The following RFC3 variants were observed in gnomAD, a reference collection of about 807,000 sequenced individuals.
The protein encoded by RFC3 is replication factor C subunit 3, also known as A1 38 kDa subunit.
Under a neutral mutation model 45.1 loss-of-function variants are expected in RFC3, and 41 were observed. The ratio of observed to expected loss-of-function variants is 0.91; its 90% confidence interval spans 0.71 to 1.18. The LOEUF (loss-of-function observed/expected upper bound fraction) is 1.18. RFC3 is among the 50% of genes most tolerant of loss of function. RFC3 has a pLI of 0.00. For missense variants in RFC3, 423 were observed against 428.1 expected, an observed-to-expected ratio of 0.99 and a Z score of 0.10; for synonymous variants, 149 against 144.0, an observed-to-expected ratio of 1.03 and a Z score of -0.25.
Position 33,900,191 on chromosome 13 carries a change from A to G in RFC3, c.879+64974A>G, listed in dbSNP as rs553853236. On this transcript the variant is annotated intron_variant, in intron 8 of 8. Transcript: ENST00000434425. ...TACAAAAAGCAATTATAAAATGTAT[A>G]TGAAACCACAAAAGACTCTGAACAG... Among the ~76,000 whole-genome samples, 30 of 152,178 alleles carry G rather than the reference A, an allele frequency of 2.0e-4. No homozygotes were observed. In the South Asian group the frequency reaches 5.8e-3, roughly 29 times the overall value.
intron 8 of RFC3, among the ~76,000 whole-genome samples, chr13:33,863,856 T>G (rs2082356983): frequency 6.6e-6 from 1 of 152,212 alleles, no homozygotes; most frequent in African/African-American, 2.4e-5. Context: ...ACTCTCAGTC[T>G]CCCAAACATC....
chr13:33,865,530 A>C (rs1356162784), intron 8 of RFC3, among the ~76,000 whole-genome samples: 1 of 152,212 alleles, frequency 6.6e-6, no homozygotes, highest in African/African-American at 2.4e-5. Flanking sequence ...CAGGGAAATG[A>C]ATTCTGAGGA....
At chr13:33,950,043 C>T (rs914131669) in intron 8 of RFC3, among the ~76,000 whole-genome samples, 103 of 142,560 alleles carry the variant, frequency 7.2e-4, no homozygotes, top group Non-Finnish European at 6.8e-4. Context: ...CTTTCTCTCT[C>T]TCTTTCTCCC....
At chr13:33,969,693 A>G (rs971361977), downstream of RFC3, among the ~76,000 whole-genome samples, 4 of 152,126 alleles carry the variant, frequency 2.6e-5, no homozygotes, top group Admixed American at 6.6e-5. Context: ...TCTTAGTCCA[A>G]ATTCTATTTG....
chr13:33,894,261 C>T lies in RFC3; in HGVS notation c.879+59044C>T, dbSNP rs940786631. ...GGCAATCCAGGATATGGGGGAGGGC[C>T]ATAACCCTACCCAGTACTGGAGCTG... On this transcript the variant is annotated intron_variant, in intron 8 of 8. Transcript: ENST00000434425. Among the ~76,000 whole-genome samples, 4 of 152,130 alleles carry T rather than the reference C, an allele frequency of 2.6e-5. No homozygotes were observed. In the East Asian group the frequency reaches 5.8e-4, roughly 22 times the overall value.
At chr13:33,886,460 C>G (rs887910978) in intron 8 of RFC3, among the ~76,000 whole-genome samples, 2 of 151,092 alleles carry the variant, frequency 1.3e-5, no homozygotes, top group African/African-American at 4.9e-5. Context: ...GCAGGAGAAT[C>G]GCTTGAACCT....
chr13:33,899,056 G>C (rs1414813594), intron 8 of RFC3, among the ~76,000 whole-genome samples: 1 of 151,520 alleles, frequency 6.6e-6, no homozygotes, highest in African/African-American at 2.4e-5. Flanking sequence ...TGGCTTCACT[G>C]CTGGATTCTA....
exon 9 of RFC3, chr13:33,966,137 GAAC>G: frequency 6.2e-7 from 1 of 1,603,120 alleles, no homozygotes. Context: ...GACCTCCAAA[GAAC>G]AACTTGCTAC....
chr13:33,893,889 G>A (rs1017083494), intron 8 of RFC3, among the ~76,000 whole-genome samples: 5 of 151,956 alleles, frequency 3.3e-5, no homozygotes, highest in Non-Finnish European at 7.4e-5. Context: ...GACATCAAAT[G>A]ACCAAATCTA....
At chr13:33,899,368 G>C (rs1038874098) in intron 8 of RFC3, among the ~76,000 whole-genome samples, 1 of 151,732 alleles carries the variant, frequency 6.6e-6, no homozygotes. Flanking sequence ...GGAATGCAAG[G>C]ATGGTTCAAC....
At chr13:33,964,168 C>T (rs1047518995) in intron 8 of RFC3, among the ~76,000 whole-genome samples, 29 of 152,156 alleles carry the variant, frequency 1.9e-4, no homozygotes, top group African/African-American at 7.0e-4. Context: ...GATCATGAAA[C>T]ATGAACTAGT....
intron 8 of RFC3, among the ~76,000 whole-genome samples, chr13:33,876,756 C>G (rs1197172072): frequency 6.6e-6 from 1 of 152,146 alleles, no homozygotes; most frequent in African/African-American, 2.4e-5. Context: ...CTTGGGTTTG[C>G]CTTAAATAAG....
intron 8 of RFC3, among the ~76,000 whole-genome samples, chr13:33,887,405 A>G (rs1361470052): frequency 6.6e-5 from 10 of 151,802 alleles, no homozygotes; most frequent in Admixed American, 2.0e-4. Flanking sequence ...GCATTTTTTC[A>G]TGTGTTTTTT....
rs776034156 is a variant in RFC3 at position 33,818,270 on chromosome 13, G to A, written c.87+5G>A. Reference sequence around the variant, plus strand: ...GCGGCCCAGCTGCGGAACCTGGTGAGTCTGCGGGGGCCGGGAGCGTGGGAG... The same window carrying A: ...GCGGCCCAGCTGCGGAACCTGGTGAATCTGCGGGGGCCGGGAGCGTGGGAG... On this transcript the variant is annotated splice_donor_5th_base_variant and intron_variant, in intron 1 of 8. Transcript: ENST00000380071. 1.2e-6 allele frequency: 2 copies of A among 1,613,054 alleles called. No homozygotes were observed. The highest frequency in any genetic ancestry group is 1.7e-5 in the Admixed American group (1 of 59,988).
intron 2 of RFC3, among the ~76,000 whole-genome samples, chr13:33,823,605 A>G (rs1430274588): frequency 6.6e-6 from 1 of 152,130 alleles, no homozygotes; most frequent in African/African-American, 2.4e-5. Context: ...TTAACATGGG[A>G]AAGACTGAAA....
intron 8 of RFC3, among the ~76,000 whole-genome samples, chr13:33,854,193 C>T (rs528813808): frequency 3.3e-5 from 5 of 152,222 alleles, no homozygotes; most frequent in East Asian, 1.9e-4. Flanking sequence ...AAAATCTGAA[C>T]GGTGAACAGA....
rs559019472 is a variant in RFC3, at chr13:33,883,701, C to T, written c.879+48484C>T. On this transcript the variant is annotated intron_variant, in intron 8 of 8. Coordinates refer to the RFC3 transcript ENST00000434425. The stretch of plus-strand genomic sequence containing the variant: ...TTTTTAACAGTGGAATGAGAAGTTA[C>T]CATTATTTCAAAAATAAAAAGTTAT... Among the ~76,000 whole-genome samples, 6 of 152,094 alleles carry T rather than the reference C, an allele frequency of 3.9e-5. No individual in the cohort carries two copies. In the South Asian group the frequency reaches 1.2e-3, roughly 32 times the overall value.
chr13:33,908,788 A>C (rs2082687396), intron 8 of RFC3, among the ~76,000 whole-genome samples: 1 of 152,082 alleles, frequency 6.6e-6, no homozygotes, highest in African/African-American at 2.4e-5. Flanking sequence ...CAGAAGAGCC[A>C]ATGACATAAG....
chr13:33,852,037 T>G (rs894606126), intron 8 of RFC3, among the ~76,000 whole-genome samples: 2 of 152,220 alleles, frequency 1.3e-5, no homozygotes, highest in South Asian at 4.1e-4. Context: ...TGCAACATGG[T>G]ATTGAAAACT....
Sources: allele counts gnomAD v4.1 joint callset (sites outside exome capture counted in the v4.1 genomes callset), GRCh38; gene constraint gnomAD v4.1.1; transcripts MANE v1.5; gene names NCBI Gene and HGNC (gene_info 2026-07-23, HGNC 2026-07-21).